NCAPG2: variants seen among roughly 807,000 people sequenced by gnomAD.
NCAPG2 encodes condensin-2 complex subunit G2.
A neutral mutation model predicts 141.1 loss-of-function variants in NCAPG2; 53 were observed. The ratio of observed to expected loss-of-function variants is 0.38; its 90% CI spans 0.30 to 0.47. The LOEUF is 0.47. Among genes scored for constraint, NCAPG2 ranks in the 20% least tolerant of loss-of-function variants. NCAPG2 has a pLI of 0.99. For synonymous variants in NCAPG2, 499 were observed against 490.7 expected, an observed-to-expected ratio of 1.02 and a Z score of -0.22; for missense variants, 1,087 against 1,389.0, an observed-to-expected ratio of 0.78 and a Z score of 3.46.
chr7:158,649,843 G>C (rs1193896701), intron 24 of NCAPG2, among the ~76,000 whole-genome samples: 1 of 151,938 alleles, frequency 6.6e-6, no homozygotes, highest in African/African-American at 2.4e-5. Context: ...TTTCTTAAGA[G>C]GTAAAGAGGA....
intron 24 of NCAPG2, 78 bp downstream of exon 24, chr7:158,650,754 G>A (rs138668709): frequency 3.9e-5 from 57 of 1,466,580 alleles, no homozygotes; most frequent in Admixed American, 1.2e-4. Context: ...GAGAAACGTA[G>A]AGAATGTACT....
At chr7:158,676,234 G>A (rs1291859473) in intron 11 of NCAPG2, among the ~76,000 whole-genome samples, 2 of 152,134 alleles carry the variant, frequency 1.3e-5, no homozygotes, top group African/African-American at 4.8e-5. Flanking sequence ...AAGGGCAGAG[G>A]GACACACTAA....
rs1239683570 is a variant in NCAPG2, at chr7:158,668,255, A to C, written c.1479+3259T>G. On this transcript the variant is annotated intron_variant, in intron 13 of 27. Transcript: ENST00000356309. ...GGTCCCTCTGCCCTCCTTACCCACT[A>C]CTGGGTCCCTCTGCCCTCCTTACCT... 7.8e-6 allele frequency: 3 copies of C among 385,714 alleles called. No individual in the cohort carries two copies. The African/African-American group carries it at 4.0e-4, about 51-fold the overall frequency. 23.9% of individuals were successfully genotyped at this position (385,714 alleles called of 1,614,324 possible).
rs115355871 is a variant in NCAPG2, at chr7:158,633,440, T to A, written c.3381-1723A>T. ...GGAAGCGCCTGGGCCACCCTCTGTGTGGTTATTTCTGCCTGTGTTGAACCA... is the reference window on the plus strand; with the variant it reads ...GGAAGCGCCTGGGCCACCCTCTGTGAGGTTATTTCTGCCTGTGTTGAACCA... On this transcript the variant is annotated intron_variant, in intron 27 of 27. Transcript: ENST00000356309. The surrounding 1 kb of genome is among the most constrained non-coding windows in gnomAD (Gnocchi z 4.1). 0.024 allele frequency among the ~76,000 whole-genome samples: 3,645 copies of A among 152,316 alleles called. 145 individuals carry two copies. The highest frequency in any genetic ancestry group is 0.083 in the African/African-American group (3,449 of 41,554).
rs764454132 is a variant in NCAPG2, at chr7:158,662,310, T to C, written c.1873A>G (p.Ile625Val). Residue 625 changes from isoleucine to valine, a missense_variant, in exon 16 of 28, where the codon ATC becomes GTC. Physicochemically the swap from Ile to Val is conservative, Grantham distance 29. Transcript: ENST00000356309. ...DVACMAGLLE[I>V]IVILWKSIDR... ...ATACTTTTCCAGAGAATCACAATGA[T>C]TTCTAGTAAACCTGCCATGCATGCA... The C allele has an allele frequency of 1.9e-6, 3 of 1,609,412 alleles. No individual in the cohort carries two copies. The African/African-American group carries it at 4.0e-5, about 21-fold the overall frequency.
At chr7:158,631,996 T>C (rs73730472) in intron 27 of NCAPG2, among the ~76,000 whole-genome samples, 17,244 of 152,122 alleles carry the variant, frequency 0.11, 1,387 homozygotes, top group East Asian at 0.38. Context: ...CAGTGTGCTA[T>C]GCTGGTGAGC....
chr7:158,663,832 C>G (rs1463590668), intron 15 of NCAPG2, among the ~76,000 whole-genome samples: 2 of 152,164 alleles, frequency 1.3e-5, no homozygotes, highest in Non-Finnish European at 2.9e-5. Flanking sequence ...AAGAAATTGT[C>G]CCTTTAATAA....
chr7:158,683,510 A>G, intron 8 of NCAPG2, 124 bp from the exon 9 acceptor site: 1 of 522,486 alleles, frequency 1.9e-6, no homozygotes, highest in Non-Finnish European at 3.1e-6. Flanking sequence ...TGAGAAAAAA[A>G]CCTGGACCCT....
At chr7:158,692,504 G>A (rs982828650) in intron 4 of NCAPG2, among the ~76,000 whole-genome samples, 2 of 152,192 alleles carry the variant, frequency 1.3e-5, no homozygotes, top group Admixed American at 6.5e-5. Context: ...CCACGTGGGA[G>A]GCTGAGACGG....
chr7:158,672,509 A>G (rs906019302), intron 12 of NCAPG2, among the ~76,000 whole-genome samples: 1 of 150,538 alleles, frequency 6.6e-6, no homozygotes, highest in African/African-American at 2.4e-5. Context: ...CGCCTGGCTA[A>G]TTTTTGTATT....
At chr7:158,655,060 T>C in intron 21 of NCAPG2, 58 bp downstream of exon 21, 1 of 1,515,906 alleles carries the variant, frequency 6.6e-7, no homozygotes. Flanking sequence ...GAAAATGAAA[T>C]CCTGAAACAT....
intron 24 of NCAPG2, 107 bp from the exon 25 acceptor site, chr7:158,646,670 T>C (rs1020295558): frequency 1.1e-5 from 7 of 662,524 alleles, no homozygotes; most frequent in Non-Finnish European, 1.5e-5. Context: ...TTTCTAGAAA[T>C]TCAAAAGAAT....
intron 27 of NCAPG2, 139 bp from the exon 28 acceptor site, chr7:158,631,856 C>A (rs1563480784): frequency 1.4e-6 from 1 of 696,286 alleles, no homozygotes; most frequent in Non-Finnish European, 2.4e-6. Flanking sequence ...ATAGATGTTT[C>A]ATTAATTGTT....
At chr7:158,686,098 C>G in intron 8 of NCAPG2, 74 bp downstream of exon 8, 1 of 900,166 alleles carries the variant, frequency 1.1e-6, no homozygotes, top group Non-Finnish European at 1.7e-6. Flanking sequence ...TCTTAAATAA[C>G]CCTTCTTTGA....
In NCAPG2 at chr7:158,655,389, G is replaced by A. The variant is rs779326431; in HGVS notation, c.2455C>T (p.Pro819Ser). ...KPRGFSEAAA[P>S]RAFGLHCRLS... ...CGACAGTGGAGACCAAAGGCTCGCGGGGCAGCTGCTTCACTGAAGCCACGA... is the reference window on the plus strand; with the variant it reads ...CGACAGTGGAGACCAAAGGCTCGCGAGGCAGCTGCTTCACTGAAGCCACGA... Residue 819 changes from proline (P) to serine (S), a missense_variant, in exon 20 of 28, where the codon CCG becomes TCG. By Grantham distance (74) the Pro-to-Ser change is moderately conservative. Coordinates refer to ENST00000356309, the MANE Select transcript of NCAPG2 (RefSeq NM_017760.7). 2 of 1,614,050 alleles carry A rather than the reference G, an allele frequency of 1.2e-6. No individual in the cohort carries two copies. Among genetic ancestry groups the A allele is most frequent in the Non-Finnish European group, 8.5e-7 (1 of 1,180,048 alleles).
chr7:158,700,094 T>A (rs956348689), intron 2 of NCAPG2, among the ~76,000 whole-genome samples: 1 of 152,224 alleles, frequency 6.6e-6, no homozygotes, highest in Non-Finnish European at 1.5e-5. Context: ...TGGGAAACCA[T>A]CATTATTATA....
intron 11 of NCAPG2, among the ~76,000 whole-genome samples, chr7:158,677,525 C>A (rs1001963164): frequency 9.3e-4 from 84 of 90,378 alleles, no homozygotes; most frequent in East Asian, 1.2e-3. Context: ...AAAAATAAAG[C>A]AAAAAAAAAA....
intron 8 of NCAPG2, among the ~76,000 whole-genome samples, chr7:158,685,397 CA>C (rs1563567352): frequency 6.6e-6 from 1 of 152,152 alleles, no homozygotes. Flanking sequence ...TAAAAACAGA[CA>C]AAAGAAACAG....
At position 158,655,347 on chromosome 7, in the gene NCAPG2, G is replaced by A. The variant is rs1831829408; in HGVS notation, c.2497C>T (p.Gln833Ter). 6.2e-7 allele frequency: 1 copy of A among 1,614,088 alleles called. No homozygotes were observed. Among genetic ancestry groups the A allele is most frequent in the Admixed American group, 1.7e-5 (1 of 60,010 alleles). Reference protein sequence around the residue: ...GLHCRLSIHLQHKFCSEGKVY... With the variant: ...GLHCRLSIHL ...GCCAGGAGCAGGCACACCTTGTGCT[G>A]AAGATGGATGCTCAGGCGACAGTGG... The change falls in exon 20 of 28, where the codon CAG (glutamine) becomes TAG (stop). Residue 833 changes from glutamine (Q) to a stop codon, truncating the protein, a stop_gained. Coordinates refer to ENST00000356309, the MANE Select transcript of NCAPG2 (RefSeq NM_017760.7). LOFTEE classifies it high-confidence loss of function.
Sources: gnomAD v4.1 joint callset for allele counts (sites outside exome capture counted in the v4.1 genomes callset) on GRCh38, gnomAD v4.1.1 for gene constraint, Gnocchi (gnomAD v3.1) non-coding constraint, MANE v1.5 for transcripts, NCBI Gene and HGNC (gene_info 2026-07-23, HGNC 2026-07-21) for gene names.